The following BANK1 variants were observed in gnomAD, a reference collection of about 807,000 sequenced individuals.
BANK1 encodes B-cell scaffold protein with ankyrin repeats.
BANK1 carries 95 observed loss-of-function variants against 94.5 expected under a neutral mutation model. The observed-to-expected ratio is 1.00, with a 90% CI of 0.85 to 1.19. BANK1 has a LOEUF of 1.19. Among genes scored for constraint, BANK1 ranks in the 50% most tolerant of loss-of-function variants. BANK1 has a pLI of 0.00. For synonymous variants in BANK1, 334 were observed against 308.4 expected (o/e 1.08, Z -0.87); for missense variants, 987 against 932.2 (o/e 1.06, Z -0.77).
chr4:102,023,991 CAAAT>C (rs1726997736), intron 8 of BANK1, among the ~76,000 whole-genome samples: 1 of 152,094 alleles, frequency 6.6e-6, no homozygotes, highest in Non-Finnish European at 1.5e-5. Flanking sequence ...TGTACAAAAA[CAAAT>C]AACTATCCAC....
intron 7 of BANK1, among the ~76,000 whole-genome samples, chr4:101,999,963 A>T (rs1198186611): frequency 6.6e-6 from 1 of 152,210 alleles, no homozygotes; most frequent in African/African-American, 2.4e-5. Flanking sequence ...GAGGCAAAGT[A>T]ATGAAGGACC....
intron 7 of BANK1, among the ~76,000 whole-genome samples, chr4:101,985,408 C>T (rs749942996): frequency 6.6e-6 from 1 of 152,032 alleles, no homozygotes; most frequent in Non-Finnish European, 1.5e-5. Flanking sequence ...ATCTGGGCAC[C>T]ATGTGGCCTA....
At chr4:101,907,308 T>C (rs1217444667) in intron 6 of BANK1, among the ~76,000 whole-genome samples, 3 of 152,168 alleles carry the variant, frequency 2.0e-5, no homozygotes, top group Non-Finnish European at 4.4e-5. Context: ...AAAAACCACA[T>C]GGTTATCTCA....
intron 11 of BANK1, 32 bp downstream of exon 11, chr4:102,043,939 T>A: frequency 7.6e-7 from 1 of 1,319,016 alleles, no homozygotes; most frequent in South Asian, 1.3e-5. Context: ...TATTTAGTAA[T>A]CTCTAGGTAA....
At chr4:102,034,715 C>T (rs941077608) in intron 10 of BANK1, among the ~76,000 whole-genome samples, 1 of 152,046 alleles carries the variant, frequency 6.6e-6, no homozygotes, top group African/African-American at 2.4e-5. Flanking sequence ...TGCAATAACC[C>T]CACATAGTTG....
In BANK1 at chr4:101,862,648, G is replaced by A; in HGVS notation, c.747G>A (p.Trp249Ter). 1 of 1,603,808 alleles carries A rather than the reference G, an allele frequency of 6.2e-7. No individual in the cohort carries two copies. Among genetic ancestry groups the A allele is most frequent in the Non-Finnish European group, 8.5e-7 (1 of 1,176,044 alleles). Residue 249 changes from tryptophan (W) to a stop codon, truncating the protein, a stop_gained, in exon 4 of 17, where the codon TGG becomes TGA. Coordinates refer to ENST00000322953, the MANE Select transcript of BANK1 (RefSeq NM_017935.5). LOFTEE classifies it high-confidence loss of function. ...TRPALWNKKVWCMKALEFPAG... is the reference protein window; with the variant it reads ...TRPALWNKKV ...CAGCCCTTTGGAATAAGAAAGTCTG[G>A]TGCATGAAAGCTTTAGGTAAGAATG...
At chr4:101,808,109 A>T (rs1578328555) in intron 1 of BANK1, among the ~76,000 whole-genome samples, 2 of 151,864 alleles carry the variant, frequency 1.3e-5, no homozygotes, top group South Asian at 4.2e-4. Flanking sequence ...AATGAAATTT[A>T]AAAAAATAAA....
chr4:102,030,021 A>G lies in BANK1; in HGVS notation c.1656A>G (p.Gln552=). The G allele has an allele frequency of 6.2e-7, 1 of 1,613,776 alleles. No individual in the cohort carries two copies. The highest frequency in any genetic ancestry group is 8.5e-7 in the Non-Finnish European group (1 of 1,179,892). Residue 552 remains glutamine (Q), a synonymous_variant, in exon 10 of 17, where the codon CAA becomes CAG. Transcript: ENST00000322953. The stretch of plus-strand genomic sequence containing the variant: ...ACTGGGGTCATCCTGGTGTTAGACA[A>G]GAAACAGGAGATGAACCCAAAGGAG... The part of the protein sequence containing the change: ...SQNWGHPGVR[Q]ETGDEPKGEK...
intron 7 of BANK1, among the ~76,000 whole-genome samples, chr4:101,971,727 T>C (rs1560659453): frequency 6.6e-6 from 1 of 152,142 alleles, no homozygotes; most frequent in African/African-American, 2.4e-5. Context: ...CCCAAAACCA[T>C]TTATTGAAAT....
At chr4:101,803,349 A>G (rs7656627) in intron 1 of BANK1, among the ~76,000 whole-genome samples, 84,087 of 151,996 alleles carry the variant, frequency 0.55, 23,379 homozygotes, top group South Asian at 0.68. Flanking sequence ...TTAAGGGGCT[A>G]TAGTATAGGG....
intron 2 of BANK1, among the ~76,000 whole-genome samples, chr4:101,846,152 A>G (rs1389349200): frequency 6.6e-6 from 1 of 152,182 alleles, no homozygotes; most frequent in Non-Finnish European, 1.5e-5. Context: ...ACTGTTCACA[A>G]TAGCAAAGAC....
At chr4:102,053,227 C>T (rs1245930758) in intron 11 of BANK1, among the ~76,000 whole-genome samples, 3 of 152,060 alleles carry the variant, frequency 2.0e-5, no homozygotes, top group Non-Finnish European at 4.4e-5. Flanking sequence ...TTAAGCTAAT[C>T]TTTGGAGAAG....
At chr4:101,877,763 T>A (rs975156487) in intron 5 of BANK1, among the ~76,000 whole-genome samples, 1 of 152,032 alleles carries the variant, frequency 6.6e-6, no homozygotes, top group African/African-American at 2.4e-5. Context: ...CGGGTGCCTG[T>A]AATCCCAGCT....
At chr4:101,841,428 C>CT (rs925775840) in intron 2 of BANK1, among the ~76,000 whole-genome samples, 3 of 151,878 alleles carry the variant, frequency 2.0e-5, no homozygotes, top group African/African-American at 4.8e-5. Context: ...ATATGAGTAT[C>CT]TTTTTTTAAA....
intron 7 of BANK1, among the ~76,000 whole-genome samples, chr4:101,986,996 GA>G (rs34108717): frequency 0.83 from 108,384 of 131,110 alleles, 44,922 homozygotes; most frequent in Non-Finnish European, 0.89. Flanking sequence ...AAGAACAAAA[GA>G]AAAAAAAAAA....
At chr4:102,005,779 C>A (rs1470228097) in intron 7 of BANK1, among the ~76,000 whole-genome samples, 2 of 151,694 alleles carry the variant, frequency 1.3e-5, no homozygotes, top group Non-Finnish European at 2.9e-5. Context: ...CTGTTAATAC[C>A]CCATTTTACA....
intron 7 of BANK1, among the ~76,000 whole-genome samples, chr4:102,003,952 C>T (rs1726163851): frequency 3.3e-5 from 5 of 149,892 alleles, no homozygotes; most frequent in Admixed American, 3.3e-4. Context: ...TATATATACA[C>T]ACATATATGT....
chr4:101,944,587 A>G (rs966697173), intron 7 of BANK1, among the ~76,000 whole-genome samples: 7 of 151,928 alleles, frequency 4.6e-5, no homozygotes, highest in Non-Finnish European at 8.8e-5. Context: ...AACTCTAGAG[A>G]AGGAAAAAAA....
chr4:101,834,944 C>T (rs1023644704), intron 2 of BANK1, among the ~76,000 whole-genome samples: 8 of 152,120 alleles, frequency 5.3e-5, no homozygotes, highest in Admixed American at 1.3e-4. Context: ...TTAAAAGACA[C>T]AGTAATTTAT....
Sources: gnomAD v4.1 joint callset for allele counts (sites outside exome capture counted in the v4.1 genomes callset) on GRCh38, gnomAD v4.1.1 for gene constraint, MANE v1.5 for transcripts, NCBI Gene and HGNC (gene_info 2026-07-23, HGNC 2026-07-21) for gene names.